PPP1R16A: variants seen among roughly 807,000 people sequenced by gnomAD.
PPP1R16A encodes protein phosphatase 1 regulatory subunit 16A, also known as myosin phosphatase-targeting subunit 3.
Under a neutral mutation model 46.6 loss-of-function variants are expected in PPP1R16A, and 39 were observed. The ratio of observed to expected loss-of-function variants is 0.84; its 90% CI spans 0.65 to 1.09. PPP1R16A has a LOEUF of 1.09. Among genes scored for constraint, PPP1R16A ranks in the 50% least tolerant of loss-of-function variants. PPP1R16A has a pLI of 0.00. For synonymous variants in PPP1R16A, 413 were observed against 321.5 expected (o/e 1.28, Z -3.04); for missense variants, 798 against 735.6 (o/e 1.08, Z -0.98).
intron 1 of PPP1R16A, among the ~76,000 whole-genome samples, chr8:144,485,604 G>A (rs557284245): frequency 3.3e-5 from 5 of 151,992 alleles, no homozygotes; most frequent in Non-Finnish European, 5.9e-5. Flanking sequence ...TAGACTTCCC[G>A]GGTACCCATG....
In PPP1R16A at chr8:144,501,828, C is replaced by A; in HGVS notation, c.1512C>A (p.Asp504Glu). ...QPDCGFRAGG[D>E]PPLLKLTAPA... ...ACTGTGGCTTCAGGGCAGGCGGGGA[C>A]CCACCCCTGCTCAAGCTCACAGCCC... The change falls in exon 12 of 12, where the codon GAC becomes GAA. Residue 504 changes from aspartate to glutamate, a missense_variant. Asp to Glu is a conservative substitution (Grantham distance 45). Transcript: ENST00000435887. 5 of 1,550,774 alleles carry A rather than the reference C, an allele frequency of 3.2e-6. No homozygotes were observed. Among genetic ancestry groups the A allele is most frequent in the Non-Finnish European group, 4.4e-6 (5 of 1,148,882 alleles).
At chr8:144,494,758 G>C (rs1825975694) in intron 2 of PPP1R16A, among the ~76,000 whole-genome samples, 1 of 152,180 alleles carries the variant, frequency 6.6e-6, no homozygotes, top group Non-Finnish European at 1.5e-5. Flanking sequence ...GCTAATGACA[G>C]AAAGGTGAGG....
intron 1 of PPP1R16A, among the ~76,000 whole-genome samples, chr8:144,482,565 C>G (rs1184360633): frequency 4.6e-5 from 7 of 151,766 alleles, no homozygotes; most frequent in Admixed American, 4.6e-4. Context: ...GCATTTCTCC[C>G]TGCCTCAACC....
rs61740411 is a variant in PPP1R16A at position 144,501,857 on chromosome 8, C to T, written c.1541C>T (p.Ala514Val). 428 of 1,546,032 alleles carry T rather than the reference C, an allele frequency of 2.8e-4. 4 individuals are homozygous for T. In the East Asian group the frequency reaches 7.4e-3, roughly 27 times the overall value. Residue 514 changes from alanine (A) to valine (V), a missense_variant, in exon 12 of 12, where the codon GCG becomes GTG. By Grantham distance (64) the Ala-to-Val change is moderately conservative (BLOSUM62 0). Coordinates refer to ENST00000435887, the MANE Select transcript of PPP1R16A (RefSeq NM_001329443.2). ...CCCCTGCTCAAGCTCACAGCCCCGG[C>T]GGTGGAGGCTCCCGTGGAGAGGAGG... ...DPPLLKLTAP[A>V]VEAPVERRPC...
intron 2 of PPP1R16A, among the ~76,000 whole-genome samples, chr8:144,491,095 G>T (rs1465793063): frequency 6.6e-6 from 1 of 152,156 alleles, no homozygotes; most frequent in Non-Finnish European, 1.5e-5. Context: ...ACCAGTCTGT[G>T]TGTGTATGTA....
intron 1 of PPP1R16A, among the ~76,000 whole-genome samples, chr8:144,483,193 T>G (rs1428615639): frequency 6.6e-6 from 1 of 152,142 alleles, no homozygotes; most frequent in Non-Finnish European, 1.5e-5. Context: ...CATGTCAGTC[T>G]TTCTATCTAC....
intron 1 of PPP1R16A, among the ~76,000 whole-genome samples, chr8:144,483,808 C>T (rs920980369): frequency 5.3e-5 from 8 of 152,154 alleles, no homozygotes; most frequent in Admixed American, 6.5e-5. Context: ...TCAAGCAATC[C>T]TCCTGCTTTG....
At chr8:144,483,962 G>C (rs1046189385) in intron 1 of PPP1R16A, among the ~76,000 whole-genome samples, 1 of 152,216 alleles carries the variant, frequency 6.6e-6, no homozygotes, top group African/African-American at 2.4e-5. Flanking sequence ...GAATGTGCTG[G>C]CTGACTGTGA....
At chr8:144,489,619 A>T (rs527970999) in intron 1 of PPP1R16A, among the ~76,000 whole-genome samples, 1 of 152,166 alleles carries the variant, frequency 6.6e-6, no homozygotes, top group East Asian at 1.9e-4. Context: ...GCCCCTCCAG[A>T]GCCTCCTCTT....
chr8:144,482,829 A>G (rs539287447), intron 1 of PPP1R16A, among the ~76,000 whole-genome samples: 2 of 152,104 alleles, frequency 1.3e-5, no homozygotes, highest in African/African-American at 4.8e-5. Flanking sequence ...TTGTAATTTT[A>G]GTAGAGACGG....
At chr8:144,479,567 C>T (rs187581851) in intron 1 of PPP1R16A, among the ~76,000 whole-genome samples, 18 of 152,280 alleles carry the variant, frequency 1.2e-4, no homozygotes, top group Admixed American at 4.6e-4. Flanking sequence ...TATGACTGTA[C>T]TTTGGGGTCT....
At chr8:144,490,667 G>A (rs1293718893) in intron 2 of PPP1R16A, among the ~76,000 whole-genome samples, 3 of 152,192 alleles carry the variant, frequency 2.0e-5, no homozygotes, top group African/African-American at 7.2e-5. Flanking sequence ...CTGAGGTGAG[G>A]CATGTCTCCA....
At chr8:144,484,345 G>A (rs1586738645) in intron 1 of PPP1R16A, among the ~76,000 whole-genome samples, 1 of 152,350 alleles carries the variant, frequency 6.6e-6, no homozygotes, top group South Asian at 2.1e-4. Context: ...CTACTCCGTG[G>A]GGGTTATGGC....
intron 3 of PPP1R16A, chr8:144,498,372 C>T (rs1826203449): frequency 1.2e-5 from 4 of 334,616 alleles, no homozygotes; most frequent in Non-Finnish European, 2.4e-5. Context: ...CCCAGAGGAC[C>T]CAGGAGAGCT....
At chr8:144,497,536 G>A (rs756699257) in intron 3 of PPP1R16A, 83 bp downstream of exon 3, 1 of 1,576,454 alleles carries the variant, frequency 6.3e-7, no homozygotes, top group African/African-American at 1.3e-5. Flanking sequence ...CAAGGCTGGG[G>A]GCTGGGCCTG....
intron 8 of PPP1R16A, 32 bp downstream of exon 8, chr8:144,500,644 C>A: frequency 6.2e-7 from 1 of 1,605,052 alleles, no homozygotes. Context: ...TGGGAGGGGG[C>A]TTCCAGCGCA....
chr8:144,497,570 C>T (rs1826137122), intron 3 of PPP1R16A, 117 bp downstream of exon 3: 1 of 1,450,298 alleles, frequency 6.9e-7, no homozygotes, highest in Non-Finnish European at 9.5e-7. Flanking sequence ...GGCTCCAGCC[C>T]CCAGATCTTG....
intron 1 of PPP1R16A, among the ~76,000 whole-genome samples, chr8:144,480,980 C>T (rs1390729980): frequency 6.7e-6 from 1 of 149,234 alleles, no homozygotes; most frequent in Non-Finnish European, 1.5e-5. Context: ...GCTCCGCCTC[C>T]TGGGTTCACA....
intron 2 of PPP1R16A, chr8:144,495,630 G>T (rs910705952): frequency 4.6e-5 from 7 of 152,212 alleles, no homozygotes; most frequent in Non-Finnish European, 1.0e-4. Context: ...CAGAGATGGG[G>T]TTTCACCCTG....
Sources: gnomAD v4.1 joint callset for allele counts (sites outside exome capture counted in the v4.1 genomes callset) on GRCh38, gnomAD v4.1.1 for gene constraint, MANE v1.5 for transcripts, NCBI Gene and HGNC (gene_info 2026-07-23, HGNC 2026-07-21) for gene names.